The following TRIM34 variants were observed in gnomAD, a reference collection of about 807,000 sequenced individuals.
TRIM34 encodes E3 ubiquitin-protein ligase TRIM34.
A neutral mutation model predicts 38.1 loss-of-function variants in TRIM34; 41 were observed. The ratio of observed to expected loss-of-function variants is 1.08; its 90% CI spans 0.84 to 1.40. TRIM34 has a LOEUF of 1.40. TRIM34 is among the 40% of genes most tolerant of loss of function. The pLI, the probability that TRIM34 is intolerant of heterozygous loss-of-function variation, is 0.00. For synonymous variants in TRIM34, 200 were observed against 202.5 expected (o/e 0.99, Z 0.10); for missense variants, 556 against 571.4 (o/e 0.97, Z 0.27).
Position 5,643,469 on chromosome 11 carries a change from T to C in TRIM34, c.1227T>C (p.Gly409=), listed in dbSNP as rs777040814. ...VIGLQNKCKY[G]VFEESLSSDP... is the part of the protein sequence containing the mutation. Reference sequence around the variant, plus strand: ...GGTTACAGAATAAATGTAAGTATGGTGTCTTTGAAGAGTCTTTGTCCTCTG... The same window carrying C: ...GGTTACAGAATAAATGTAAGTATGGCGTCTTTGAAGAGTCTTTGTCCTCTG... Residue 409 remains glycine, a synonymous_variant, in exon 8 of 8, where the codon GGT becomes GGC. Coordinates refer to ENST00000429814, the MANE Select transcript of TRIM34 (RefSeq NM_021616.6). The C allele has an allele frequency of 5.0e-6, 8 of 1,614,100 alleles. No homozygotes were observed. The highest frequency in any genetic ancestry group is 3.3e-5 in the South Asian group (3 of 91,094).
At chr11:5,642,660 T>C (rs999723117) in intron 6 of TRIM34, among the ~76,000 whole-genome samples, 154 bp downstream of exon 6, 3 of 132,358 alleles carry the variant, frequency 2.3e-5, no homozygotes, top group African/African-American at 8.2e-5. Flanking sequence ...CATTTATATG[T>C]AAGGAAAAAT....
intron 6 of TRIM34, 73 bp from the exon 7 acceptor site, chr11:5,642,744 C>T: frequency 3.1e-6 from 5 of 1,593,664 alleles, no homozygotes; most frequent in Non-Finnish European, 4.3e-6. Flanking sequence ...TGTCCCTACT[C>T]TAAAGAATAT....
chr11:5,635,351 G>C (rs1182217368), intron 4 of TRIM34, among the ~76,000 whole-genome samples: 1 of 150,614 alleles, frequency 6.6e-6, no homozygotes, highest in Non-Finnish European at 1.5e-5. Context: ...CGCCTCCCAG[G>C]TTCACGCCAT....
chr11:5,634,450 G>A (rs1849621524), intron 3 of TRIM34, among the ~76,000 whole-genome samples, 181 bp from the exon 4 acceptor site: 2 of 140,702 alleles, frequency 1.4e-5, no homozygotes, highest in South Asian at 2.3e-4. Context: ...AAAAAAAATC[G>A]ATATATAGAT....
chr11:5,641,614 G>C (rs1370923247), intron 5 of TRIM34, among the ~76,000 whole-genome samples: 1 of 152,144 alleles, frequency 6.6e-6, no homozygotes. Context: ...CTTAGAAATA[G>C]AAGGTACCGG....
intron 1 of TRIM34, among the ~76,000 whole-genome samples, chr11:5,629,688 G>A (rs1293800017): frequency 6.6e-6 from 1 of 152,152 alleles, no homozygotes; most frequent in Non-Finnish European, 1.5e-5. Flanking sequence ...CTTCAGGTGA[G>A]CTCTCCGTGA....
At chr11:5,622,646 AC>A (rs1311535313), upstream of TRIM34, among the ~76,000 whole-genome samples, 1 of 147,520 alleles carries the variant, frequency 6.8e-6, no homozygotes, top group Non-Finnish European at 1.5e-5. Context: ...AATAAAAAAA[AC>A]CGGAAAAAAC....
Position 5,643,969 on chromosome 11 carries a change from TA to T in TRIM34, c.*261del, listed in dbSNP as rs1476771017. The T allele has an allele frequency of 5.9e-6, 3 of 511,298 alleles. No homozygotes were observed. Among genetic ancestry groups the T allele is most frequent in the Non-Finnish European group, 1.0e-5 (3 of 301,506 alleles). The allele number at this position is 511,298 out of a possible 1,614,324, so 31.7% of individuals were successfully genotyped here. ...GGTATAACATCCTTGCCTTCCCATT[TA>T]TCCATGTTTCACTTTATCACTGATA... is the stretch of plus-strand genomic sequence containing the variant. On this transcript the variant is annotated 3_prime_UTR_variant, in exon 8 of 8. Coordinates refer to ENST00000429814, the MANE Select transcript of TRIM34 (RefSeq NM_021616.6).
intron 5 of TRIM34, chr11:5,641,441 C>A (rs1403060840): frequency 2.2e-6 from 2 of 917,942 alleles, no homozygotes; most frequent in Non-Finnish European, 3.0e-6. Context: ...AGGATGAGAG[C>A]TTTTACTGTC....
chr11:5,643,967 T>A lies in TRIM34; in HGVS notation c.*258T>A, dbSNP rs1850134767. 3 of 509,272 alleles carry A rather than the reference T, an allele frequency of 5.9e-6. No individual in the cohort carries two copies. Among genetic ancestry groups the A allele is most frequent in the Non-Finnish European group, 1.0e-5 (3 of 300,218 alleles). 31.5% of individuals were successfully genotyped at this position (509,272 alleles called of 1,614,324 possible). A position where few individuals can be genotyped will look rare whatever the true frequency, so the allele number is the denominator to read the frequency against. On this transcript the variant is annotated 3_prime_UTR_variant, in exon 8 of 8. Coordinates refer to ENST00000429814, the MANE Select transcript of TRIM34 (RefSeq NM_021616.6). ...TGGGTATAACATCCTTGCCTTCCCA[T>A]TTATCCATGTTTCACTTTATCACTG...
intron 3 of TRIM34, 121 bp from the exon 4 acceptor site, chr11:5,634,492 TACACACACACACACACAC>T (rs3060967): frequency 2.2e-5 from 5 of 228,038 alleles, no homozygotes; most frequent in African/African-American, 8.5e-5. Context: ...ATAATATAAA[TACACACACACACACACAC>T]ACACACACAC....
At chr11:5,641,554 A>T (rs1850013281) in intron 5 of TRIM34, among the ~76,000 whole-genome samples, 1 of 152,200 alleles carries the variant, frequency 6.6e-6, no homozygotes, top group Admixed American at 6.5e-5. Context: ...GGGCCTTGTC[A>T]AATCCTAAAA....
chr11:5,642,556 G>A, intron 6 of TRIM34, 50 bp downstream of exon 6: 1 of 1,597,836 alleles, frequency 6.3e-7, no homozygotes, highest in Non-Finnish European at 8.5e-7. Flanking sequence ...TGTGGTGTCA[G>A]GTAATAAACT....
At chr11:5,639,227 C>T (rs982346935) in intron 4 of TRIM34, among the ~76,000 whole-genome samples, 4 of 152,058 alleles carry the variant, frequency 2.6e-5, no homozygotes, top group East Asian at 1.9e-4. Context: ...GTTTAACTTA[C>T]GCATTCATCA....
chr11:5,639,265 T>G (rs74051045), intron 4 of TRIM34, among the ~76,000 whole-genome samples: 6,178 of 152,276 alleles, frequency 0.041, 398 homozygotes, highest in African/African-American at 0.14. Flanking sequence ...TAAGGGAAAC[T>G]GATTGTTCTG....
Position 5,644,044 on chromosome 11 carries a change from C to T in TRIM34, c.*335C>T. On this transcript the variant is annotated 3_prime_UTR_variant, in exon 8 of 8. Transcript: ENST00000429814. ...CCACCATCCATGCTACCTAGGTAGT[C>T]CATAGGAACCACCCCCATGACCACC... The T allele has an allele frequency of 2.4e-6, 1 of 425,138 alleles. No individual in the cohort carries two copies. 26.3% of individuals were successfully genotyped at this position (425,138 alleles called of 1,614,324 possible).
At chr11:5,639,521 A>G (rs1849894403) in intron 4 of TRIM34, among the ~76,000 whole-genome samples, 1 of 151,834 alleles carries the variant, frequency 6.6e-6, no homozygotes, top group African/African-American at 2.4e-5. Context: ...TCTACTAAAA[A>G]TATTAAAAAT....
chr11:5,634,530 CATATATATAT>C (rs112822638), intron 3 of TRIM34, 91 bp from the exon 4 acceptor site: 3 of 262,006 alleles, frequency 1.1e-5, no homozygotes, highest in African/African-American at 9.9e-5. Flanking sequence ...CACACACACA[CATATATATAT>C]ATATATATTT....
At chr11:5,639,569 A>G (rs1849897715) in intron 4 of TRIM34, among the ~76,000 whole-genome samples, 1 of 147,614 alleles carries the variant, frequency 6.8e-6, no homozygotes, top group African/African-American at 2.5e-5. Context: ...AGTCCCAGGT[A>G]CTTGGGAGGC....
Sources: gnomAD v4.1 joint callset for allele counts (sites outside exome capture counted in the v4.1 genomes callset) on GRCh38, gnomAD v4.1.1 for gene constraint, MANE v1.5 for transcripts, NCBI Gene and HGNC (gene_info 2026-07-23, HGNC 2026-07-21) for gene names.